Variants in TRPM3 observed in about 807,000 individuals in gnomAD.
TRPM3 encodes the protein transient receptor potential cation channel subfamily M member 3, also known as long transient receptor potential channel 3.
A neutral mutation model predicts 181.2 loss-of-function variants in TRPM3; 77 were observed. That is an observed-to-expected ratio of 0.42 (90% confidence interval 0.35 to 0.51). The LOEUF (loss-of-function observed/expected upper bound fraction) is 0.51. Among genes scored for constraint, TRPM3 ranks in the 20% least tolerant of loss-of-function variants. TRPM3 has a pLI of 0.01. For missense variants in TRPM3, 1,759 were observed against 2,196.7 expected, an observed-to-expected ratio of 0.80 and a Z score of 3.98; for synonymous variants, 745 against 796.4, an observed-to-expected ratio of 0.94 and a Z score of 1.09.
intron 1 of TRPM3, among the ~76,000 whole-genome samples, chr9:71,212,454 A>T (rs1408990284): frequency 2.0e-5 from 1 of 50,302 alleles, no homozygotes; most frequent in East Asian, 8.5e-4. Context: ...GTATTATATG[A>T]AAAAAAAGTT....
At chr9:70,797,589 C>A (rs1273767645) in intron 6 of TRPM3, among the ~76,000 whole-genome samples, 3 of 152,202 alleles carry the variant, frequency 2.0e-5, no homozygotes, top group Non-Finnish European at 4.4e-5. Flanking sequence ...ATCTTCCATG[C>A]AGGATGATTT....
At chr9:71,304,836 T>C (rs1172981981) in intron 1 of TRPM3, among the ~76,000 whole-genome samples, 2 of 152,154 alleles carry the variant, frequency 1.3e-5, no homozygotes, top group Non-Finnish European at 2.9e-5. Context: ...GTTAGTTTGG[T>C]TGGGTTCTGT....
chr9:70,623,471 A>G (rs965328138), intron 14 of TRPM3, among the ~76,000 whole-genome samples: 7 of 152,156 alleles, frequency 4.6e-5, no homozygotes, highest in African/African-American at 1.7e-4. Context: ...GAGGGTGTGT[A>G]AAGTCAAAGC....
intron 1 of TRPM3, among the ~76,000 whole-genome samples, chr9:71,200,842 G>T (rs973543346): frequency 6.6e-6 from 1 of 151,302 alleles, no homozygotes; most frequent in African/African-American, 2.4e-5. Flanking sequence ...GCCAGTCTGT[G>T]TCTTTTAATT....
chr9:70,666,298 G>A (rs556253643), intron 9 of TRPM3, among the ~76,000 whole-genome samples: 6 of 152,274 alleles, frequency 3.9e-5, no homozygotes, highest in East Asian at 3.9e-4. Flanking sequence ...CCTTCTTCAC[G>A]ATCCAGGGAA....
At chr9:71,000,523 G>A (rs895167521) in intron 1 of TRPM3, among the ~76,000 whole-genome samples, 2 of 152,172 alleles carry the variant, frequency 1.3e-5, no homozygotes, top group African/African-American at 4.8e-5. Flanking sequence ...TTAAGTTGGG[G>A]TCTGGAGAAA....
chr9:71,104,545 A>G (rs550039259), intron 1 of TRPM3, among the ~76,000 whole-genome samples: 24 of 152,328 alleles, frequency 1.6e-4, no homozygotes, highest in African/African-American at 5.5e-4. Flanking sequence ...TCTCAATCAC[A>G]AATTCCTCAT....
intron 9 of TRPM3, among the ~76,000 whole-genome samples, chr9:70,666,662 G>T (rs112836338): frequency 1.3e-5 from 2 of 152,160 alleles, no homozygotes; most frequent in African/African-American, 4.8e-5. Context: ...CTCTTTAGAA[G>T]CTCTCACTTT....
intron 1 of TRPM3, among the ~76,000 whole-genome samples, chr9:71,097,123 CT>C (rs1421653855): frequency 6.6e-6 from 1 of 151,996 alleles, no homozygotes; most frequent in Non-Finnish European, 1.5e-5. Flanking sequence ...GGATGGGTTG[CT>C]TTATAATGTT....
intron 9 of TRPM3, among the ~76,000 whole-genome samples, chr9:70,666,250 C>T (rs889308785): frequency 8.5e-5 from 13 of 152,212 alleles, no homozygotes; most frequent in African/African-American, 2.4e-4. Context: ...GCTTTTGCCT[C>T]CTAAGCTCCT....
intron 1 of TRPM3, among the ~76,000 whole-genome samples, chr9:70,936,260 T>C (rs1486983433): frequency 6.6e-6 from 1 of 152,240 alleles, no homozygotes; most frequent in Non-Finnish European, 1.5e-5. Flanking sequence ...ATAGTGTTGC[T>C]TTGCCTTGAT....
At chr9:70,794,741 T>C (rs2086566915) in intron 6 of TRPM3, among the ~76,000 whole-genome samples, 1 of 152,216 alleles carries the variant, frequency 6.6e-6, no homozygotes, top group African/African-American at 2.4e-5. Context: ...TGCTGCTCTA[T>C]CTATTTTATC....
At chr9:70,765,747 T>C (rs1038619094) in intron 7 of TRPM3, among the ~76,000 whole-genome samples, 1 of 152,194 alleles carries the variant, frequency 6.6e-6, no homozygotes, top group Non-Finnish European at 1.5e-5. Flanking sequence ...TTCCTTAGGA[T>C]ATATGGAAGC....
chr9:70,905,174 C>T (rs2096444580), intron 1 of TRPM3, among the ~76,000 whole-genome samples: 1 of 152,192 alleles, frequency 6.6e-6, no homozygotes, highest in African/African-American at 2.4e-5. Context: ...ATTTCCCAAA[C>T]CTATGCCTTT....
rs11285828 is a variant in TRPM3 at position 70,631,361 on chromosome 9, CTTTTTTT to C, written c.1632+3843_1632+3849del. 9.5e-5 allele frequency among the ~76,000 whole-genome samples: 13 copies of C among 136,842 alleles called. No homozygotes were observed. The South Asian group carries it at 1.4e-3, about 15-fold the overall frequency. The allele number at this position is 136,842 out of a possible 152,430, so 89.8% of individuals were successfully genotyped here. A position where few individuals can be genotyped will look rare whatever the true frequency, so the allele number is the denominator to read the frequency against. On this transcript the variant is annotated intron_variant, in intron 12 of 25. Coordinates refer to ENST00000677713, the MANE Select transcript of TRPM3 (RefSeq NM_001366145.2). ...CTTACCCAAAGTGTGTCTGAAATGC[CTTTTTTT>C]TTTTTTTTTTTTATTCTGAAAAGCT... is the stretch of plus-strand genomic sequence containing the variant.
intron 1 of TRPM3, among the ~76,000 whole-genome samples, chr9:71,072,488 A>T (rs2062895223): frequency 6.6e-6 from 1 of 152,122 alleles, no homozygotes; most frequent in Non-Finnish European, 1.5e-5. Flanking sequence ...TCCTCCCAAT[A>T]ACCCAAGAGG....
chr9:71,022,020 G>C (rs1306295755), intron 1 of TRPM3, among the ~76,000 whole-genome samples: 2 of 152,172 alleles, frequency 1.3e-5, no homozygotes, highest in Admixed American at 1.3e-4. Context: ...CTGGGGCCAA[G>C]GCTGTTGCTT....
At chr9:71,289,562 G>T (rs991315434) in intron 1 of TRPM3, among the ~76,000 whole-genome samples, 1 of 152,018 alleles carries the variant, frequency 6.6e-6, no homozygotes, top group African/African-American at 2.4e-5. Flanking sequence ...ATAATATATT[G>T]TATGTTTCAA....
At chr9:71,171,137 A>C (rs950951202) in intron 1 of TRPM3, among the ~76,000 whole-genome samples, 6 of 152,140 alleles carry the variant, frequency 3.9e-5, no homozygotes, top group Admixed American at 2.0e-4. Context: ...ATTCCTGCCT[A>C]ATAAATTTTG....
Sources: gnomAD v4.1 joint callset for allele counts (sites outside exome capture counted in the v4.1 genomes callset) on GRCh38, gnomAD v4.1.1 for gene constraint, MANE v1.5 for transcripts, NCBI Gene and HGNC (gene_info 2026-07-23, HGNC 2026-07-21) for gene names.